Variants in RBPJ observed in about 807,000 individuals in gnomAD.
RBPJ encodes recombination signal binding protein for immunoglobulin kappa J region, also known as recombining binding protein suppressor of hairless.
Under a neutral mutation model 67.8 loss-of-function variants are expected in RBPJ, and 9 were observed. That is an observed-to-expected ratio of 0.13 (90% confidence interval 0.08 to 0.23). The LOEUF (loss-of-function observed/expected upper bound fraction) is 0.23. RBPJ is among the 10% of genes least tolerant of loss of function. The pLI, the probability that RBPJ is intolerant of heterozygous loss-of-function variation, is 1.00. For missense variants in RBPJ, 305 were observed against 595.6 expected (o/e 0.51, Z 5.08); for synonymous variants, 198 against 203.3 (o/e 0.97, Z 0.22).
At chr4:26,316,046 T>C (rs1261448936), upstream of RBPJ, among the ~76,000 whole-genome samples, 1 of 152,152 alleles carries the variant, frequency 6.6e-6, no homozygotes, top group Non-Finnish European at 1.5e-5. Context: ...TACAATCAAT[T>C]TGTACAACAG....
At chr4:26,178,197 A>T (rs1053422947) in intron 1 of RBPJ, among the ~76,000 whole-genome samples, 3 of 152,222 alleles carry the variant, frequency 2.0e-5, no homozygotes, top group African/African-American at 7.2e-5. Context: ...GATATATCTT[A>T]GGTTTTCTGT....
intron 1 of RBPJ, among the ~76,000 whole-genome samples, chr4:26,348,706 G>GT (rs1227761986): frequency 5.9e-4 from 88 of 149,716 alleles, no homozygotes; most frequent in Middle Eastern, 6.8e-3. Context: ...TTTGTTTTTT[G>GT]TTTTTTTTTG....
At chr4:26,181,201 G>A (rs73112561) in intron 1 of RBPJ, among the ~76,000 whole-genome samples, 8,200 of 152,186 alleles carry the variant, frequency 0.054, 455 homozygotes, top group South Asian at 0.16. Flanking sequence ...ATTATTGCTC[G>A]GATTTCTCTT....
intron 1 of RBPJ, among the ~76,000 whole-genome samples, chr4:26,184,184 A>AAAAAC (rs1306970415): frequency 2.9e-5 from 4 of 139,116 alleles, no homozygotes; most frequent in Non-Finnish European, 1.5e-5. Context: ...TTCATCTCAA[A>AAAAAC]AAAAAAAAAA....
chr4:26,406,003 A>G (rs1733360693), intron 2 of RBPJ, among the ~76,000 whole-genome samples, 172 bp from the exon 3 acceptor site: 1 of 152,232 alleles, frequency 6.6e-6, no homozygotes, highest in Non-Finnish European at 1.5e-5. Flanking sequence ...GTATCATTGT[A>G]TAATCTTCCA....
At chr4:26,303,233 A>G (rs1269632305) in intron 1 of RBPJ, among the ~76,000 whole-genome samples, 1 of 139,172 alleles carries the variant, frequency 7.2e-6, no homozygotes, top group African/African-American at 2.7e-5. Flanking sequence ...ATGAATAAAT[A>G]TATATATATA....
chr4:26,345,931 C>CT lies in RBPJ; in HGVS notation c.20+24884dup, dbSNP rs200822479. Among the ~76,000 whole-genome samples the CT allele has an allele frequency of 4.3e-3, 651 of 152,228 alleles. 4 individuals are homozygous for CT. Among genetic ancestry groups the CT allele is most frequent in the African/African-American group, 0.014 (585 of 41,534 alleles). On this transcript the variant is annotated intron_variant, in intron 1 of 10. Coordinates refer to ENST00000355476, the MANE Select transcript of RBPJ (RefSeq NM_015874.6). ...GACAAAATCACATCTTTTCTAAGCT[C>CT]TATAATGAAGCTTTTTTGGAGATTT...
chr4:26,114,497 A>ATG, the RBPJ span, among the ~76,000 whole-genome samples: 6,462 of 140,028 alleles, frequency 0.046, 590 homozygotes, highest in African/African-American at 0.17. Flanking sequence ...ATATATATAT[A>ATG]TGTATGTGTG....
chr4:26,190,937 G>A (rs1717462448), intron 1 of RBPJ, among the ~76,000 whole-genome samples: 1 of 151,668 alleles, frequency 6.6e-6, no homozygotes, highest in South Asian at 2.1e-4. Flanking sequence ...CTTGAGCTCA[G>A]GAGTTTGGCA....
intron 1 of RBPJ, among the ~76,000 whole-genome samples, chr4:26,221,463 C>T (rs1348375035): frequency 1.3e-5 from 2 of 152,028 alleles, no homozygotes; most frequent in African/African-American, 4.8e-5. Flanking sequence ...TCAGGGGAAT[C>T]CTGTTAAGGG....
At chr4:26,120,714 CTTTTTT>C in the RBPJ span, among the ~76,000 whole-genome samples, 5 of 83,032 alleles carry the variant, frequency 6.0e-5, no homozygotes, top group South Asian at 5.2e-4. Context: ...ATTTTCTCAA[CTTTTTT>C]TTTTTTTTTT....
intron 1 of RBPJ, among the ~76,000 whole-genome samples, chr4:26,275,556 A>G (rs545016640): frequency 2.0e-5 from 3 of 152,304 alleles, no homozygotes; most frequent in African/African-American, 7.2e-5. Flanking sequence ...CCGGAGAAAA[A>G]CCATCCAGGA....
intron 2 of RBPJ, 50 bp downstream of exon 2, chr4:26,386,441 A>G (rs1263924648): frequency 1.6e-6 from 2 of 1,248,724 alleles, no homozygotes. Flanking sequence ...ATGAAAGTAT[A>G]AATCTTATTG....
chr4:26,188,420 T>C (rs1577451627), intron 1 of RBPJ, among the ~76,000 whole-genome samples: 3 of 152,364 alleles, frequency 2.0e-5, no homozygotes, highest in African/African-American at 4.8e-5. Context: ...TGTTGTTTAA[T>C]GTCTCATTCT....
At chr4:26,420,472 C>G in intron 4 of RBPJ, 79 bp from the exon 5 acceptor site, 3 of 933,350 alleles carry the variant, frequency 3.2e-6, no homozygotes, top group Non-Finnish European at 4.6e-6. Context: ...ATTACTTAAA[C>G]CATGGCCATT....
intron 1 of RBPJ, among the ~76,000 whole-genome samples, chr4:26,212,987 G>A (rs1303517839): frequency 6.6e-6 from 1 of 152,122 alleles, no homozygotes; most frequent in African/African-American, 2.4e-5. Flanking sequence ...CCACAGGAAT[G>A]GAAGCTCCTG....
At position 26,430,316 on chromosome 4, in the gene RBPJ, CT is replaced by C. The variant is rs1204918845; in HGVS notation, c.1045-97del. On this transcript the variant is annotated intron_variant, in intron 9 of 10. Coordinates refer to ENST00000355476, the MANE Select transcript of RBPJ (RefSeq NM_015874.6). The surrounding 1 kb of genome is among the most constrained non-coding windows in gnomAD (Gnocchi z 4.1). Reference sequence around the variant, plus strand: ...TGTAATAAAAAACATTTTAATTGCCCTTTTTTAAAAAAAACAAATGAAAGTT... The same window carrying C: ...TGTAATAAAAAACATTTTAATTGCCCTTTTTAAAAAAAACAAATGAAAGTT... 1 of 1,067,482 alleles carries C rather than the reference CT, an allele frequency of 9.4e-7. No homozygotes were observed. The highest frequency in any genetic ancestry group is 1.4e-6 in the Non-Finnish European group (1 of 711,824). 66.1% of individuals were successfully genotyped at this position (1,067,482 alleles called of 1,614,324 possible).
At chr4:26,145,216 C>T in the RBPJ span, among the ~76,000 whole-genome samples, 25 of 152,116 alleles carry the variant, frequency 1.6e-4, no homozygotes, top group African/African-American at 5.8e-4. Flanking sequence ...ACTATGCCTT[C>T]GGTGTCTTTA....
At chr4:26,130,249 T>G in the RBPJ span, among the ~76,000 whole-genome samples, 1 of 152,314 alleles carries the variant, frequency 6.6e-6, no homozygotes, top group East Asian at 1.9e-4. Flanking sequence ...AACAGGCAAG[T>G]TAGGCCAGCA....
Sources: allele counts gnomAD v4.1 joint callset (sites outside exome capture counted in the v4.1 genomes callset), GRCh38; gene constraint gnomAD v4.1.1; non-coding constraint Gnocchi (gnomAD v3.1); transcripts MANE v1.5; gene names NCBI Gene and HGNC (gene_info 2026-07-23, HGNC 2026-07-21).